The following ZNF417 variants were observed in gnomAD, a reference collection of about 807,000 sequenced individuals.
The protein encoded by ZNF417 is zinc finger protein 417.
ZNF417 carries 5 observed loss-of-function variants against 7.4 expected under a neutral mutation model. The observed-to-expected ratio is 0.68, with a 90% confidence interval of 0.35 to 1.43. The LOEUF (loss-of-function observed/expected upper bound fraction) is 1.43. Among genes scored for constraint, ZNF417 ranks in the 40% most tolerant of loss-of-function variants. ZNF417 has a pLI of 0.04. For missense variants in ZNF417, 437 were observed against 697.3 expected (o/e 0.63, Z 4.20); for synonymous variants, 147 against 239.1 (o/e 0.61, Z 3.55).
In ZNF417 at chr19:57,908,657, T is replaced by C. The variant is rs755594545; in HGVS notation, c.1621A>G (p.Ile541Val). ...TCATAAGGCCTTTCTCCAGTGTGAATTCTCCTGTGTTTAATGAGACTGGAA... is the reference window on the plus strand; with the variant it reads ...TCATAAGGCCTTTCTCCAGTGTGAACTCTCCTGTGTTTAATGAGACTGGAA... ...ECSSLIKHRRIHTGERPYECT... is the reference protein window; with the variant it reads ...ECSSLIKHRRVHTGERPYECT... The change falls in exon 3 of 3, where the codon ATT becomes GTT. Residue 541 changes from isoleucine to valine, a missense_variant. Coordinates refer to ENST00000312026, the MANE Select transcript of ZNF417 (RefSeq NM_152475.3). 8 of 1,613,400 alleles carry C rather than the reference T, an allele frequency of 5.0e-6. No individual in the cohort carries two copies. Among genetic ancestry groups the C allele is most frequent in the Non-Finnish European group, 6.8e-6 (8 of 1,179,818 alleles).
At chr19:57,914,497 A>C (rs2071927869) in intron 1 of ZNF417, among the ~76,000 whole-genome samples, 1 of 146,878 alleles carries the variant, frequency 6.8e-6, no homozygotes, top group African/African-American at 2.7e-5. Context: ...AAAAAAAAAA[A>C]AAAAAAAAAA....
At chr19:57,912,341 C>T (rs1412046960) in intron 1 of ZNF417, 152 bp from the exon 2 acceptor site, 2 of 1,393,386 alleles carry the variant, frequency 1.4e-6, no homozygotes, top group Admixed American at 2.4e-5. Context: ...TCTTCATGGG[C>T]CCACTGGTCA....
rs770253934 is a variant in ZNF417 at position 57,908,500 on chromosome 19, G to A, written c.*50C>T. ...CTTTCTCCAGTATGAACTCTCCTGT[G>A]TTTAATGAGACGGGATGTTTCAGCA... On this transcript the variant is annotated 3_prime_UTR_variant, in exon 3 of 3. Transcript: ENST00000312026. 5 of 1,611,454 alleles carry A rather than the reference G, an allele frequency of 3.1e-6. No homozygotes were observed. Among genetic ancestry groups the A allele is most frequent in the Non-Finnish European group, 4.2e-6 (5 of 1,177,636 alleles).
rs775705051 is a variant in ZNF417 at position 57,908,849 on chromosome 19, T to G, written c.1429A>C (p.Asn477His). ...EVCGKLFGNKNCVTIHQRIHT... is the reference protein window; with the variant it reads ...EVCGKLFGNKHCVTIHQRIHT... ...ATCCTCTGATGTATAGTCACGCAGT[T>G]CTTATTACCAAATAATTTCCCACAT... Residue 477 changes from asparagine to histidine, a missense_variant, in exon 3 of 3, where the codon AAC (asparagine) becomes CAC (histidine). By Grantham distance (68) the Asn-to-His change is moderately conservative. Coordinates refer to ENST00000312026, the MANE Select transcript of ZNF417 (RefSeq NM_152475.3). 10 of 1,613,854 alleles carry G rather than the reference T, an allele frequency of 6.2e-6. No individual in the cohort carries two copies. The highest frequency in any genetic ancestry group is 2.2e-5 in the East Asian group (1 of 44,884).
At position 57,908,090 on chromosome 19, in the gene ZNF417, T is replaced by C. The variant is rs573236940; in HGVS notation, c.*460A>G. On this transcript the variant is annotated 3_prime_UTR_variant, in exon 3 of 3. Transcript: ENST00000312026. ...AAATACAAACTTGGAACAAAAGAAA[T>C]AGTAAGGTAATCTTAGAAAGATGTT... is the stretch of plus-strand genomic sequence containing the variant. 5.6e-6 allele frequency: 1 copy of C among 179,958 alleles called. No individual in the cohort carries two copies. The highest frequency in any genetic ancestry group is 1.4e-4 in the East Asian group (1 of 7,034). The allele number at this position is 179,958 out of a possible 1,614,324, so 11.1% of individuals were successfully genotyped here.
In ZNF417 at chr19:57,907,543, T is replaced by C. The variant is rs890309318; in HGVS notation, c.*1007A>G. 6.5e-6 allele frequency: 1 copy of C among 154,868 alleles called. No homozygotes were observed. Among genetic ancestry groups the C allele is most frequent in the African/African-American group, 2.4e-5 (1 of 41,546 alleles). 9.6% of individuals were successfully genotyped at this position (154,868 alleles called of 1,614,324 possible). On this transcript the variant is annotated 3_prime_UTR_variant, in exon 3 of 3. Transcript: ENST00000312026. ...CAGGGAAGCTGAGGAGGTGGCTCCCTGCCTCCGGGTCCCTCAGAATGTCCC... is the reference window on the plus strand; with the variant it reads ...CAGGGAAGCTGAGGAGGTGGCTCCCCGCCTCCGGGTCCCTCAGAATGTCCC...
Position 57,906,746 on chromosome 19 carries a change from G to A in ZNF417, c.*1804C>T, listed in dbSNP as rs1332839942. 6.3e-5 allele frequency: 3 copies of A among 47,506 alleles called. No individual in the cohort carries two copies. The highest frequency in any genetic ancestry group is 1.3e-4 in the Non-Finnish European group (3 of 22,370). 2.9% of individuals were successfully genotyped at this position (47,506 alleles called of 1,614,324 possible). A position where few individuals can be genotyped will look rare whatever the true frequency, so the allele number is the denominator to read the frequency against. On this transcript the variant is annotated 3_prime_UTR_variant, in exon 3 of 3. Coordinates refer to ENST00000312026, the MANE Select transcript of ZNF417 (RefSeq NM_152475.3). ...ATTGCACTTCAGCCTGGGTGACAGA[G>A]TGAGACTCTGTCTCAAAAAAAAAAA... is the stretch of plus-strand genomic sequence containing the variant.
intron 1 of ZNF417, among the ~76,000 whole-genome samples, chr19:57,914,183 G>C (rs36088171): frequency 1.3e-5 from 2 of 151,822 alleles, no homozygotes; most frequent in African/African-American, 4.8e-5. Flanking sequence ...CTTATCATCC[G>C]CATTAGAAAA....
At position 57,916,339 on chromosome 19, in the gene ZNF417, C is replaced by T. The variant is rs935551455; in HGVS notation, c.33+40G>A. On this transcript the variant is annotated intron_variant, in intron 1 of 2. Transcript: ENST00000312026. ...CCTCGCTGGTTTAGGACCTGGGTGACGATGGGGTGACCTGAGGGCACAGAA... is the reference window on the plus strand; with the variant it reads ...CCTCGCTGGTTTAGGACCTGGGTGATGATGGGGTGACCTGAGGGCACAGAA... 3.1e-6 allele frequency: 5 copies of T among 1,613,990 alleles called. No homozygotes were observed. The African/African-American group carries it at 6.7e-5, about 22-fold the overall frequency.
chr19:57,911,724 C>G (rs2071900671), intron 2 of ZNF417, among the ~76,000 whole-genome samples: 1 of 152,112 alleles, frequency 6.6e-6, no homozygotes, highest in Non-Finnish European at 1.5e-5. Context: ...CAGGGAGGCA[C>G]AAAGCATTGT....
intron 1 of ZNF417, chr19:57,915,589 A>G (rs1253244751): frequency 2.6e-6 from 1 of 386,112 alleles, no homozygotes; most frequent in Non-Finnish European, 4.7e-6. Flanking sequence ...CTTGCTTCCA[A>G]CCTTTCAGCT....
Position 57,909,269 on chromosome 19 carries a change from C to T in ZNF417, c.1009G>A (p.Gly337Ser), listed in dbSNP as rs1311166330. The change falls in exon 3 of 3, where the codon GGT (glycine) becomes AGT (serine). Residue 337 changes from glycine (G) to serine (S), a missense_variant. Around this residue, in one of 5 missense-constraint regions of ZNF417, gnomAD observed 53 missense variants for 91.9 expected, o/e 0.58. Transcript: ENST00000312026. ...REYGKSFGQK[G>S]NLIQHQQGHT... ...CCTTGCTGATGTTGAATGAGGTTAC[C>T]CTTTTGACCAAAAGATTTCCCATAT... The T allele has an allele frequency of 6.2e-7, 1 of 1,613,772 alleles. No homozygotes were observed. The highest frequency in any genetic ancestry group is 1.7e-5 in the Admixed American group (1 of 59,956).
At chr19:57,912,695 G>T (rs12976341) in intron 1 of ZNF417, among the ~76,000 whole-genome samples, 38,470 of 151,772 alleles carry the variant, frequency 0.25, 5,310 homozygotes, top group Non-Finnish European at 0.31. Context: ...TGCAGCCTCC[G>T]CCTCCTGGGT....
chr19:57,916,327 G>C (rs1455443759), intron 1 of ZNF417, 52 bp downstream of exon 1: 10 of 1,613,888 alleles, frequency 6.2e-6, no homozygotes, highest in Non-Finnish European at 7.6e-6. Context: ...CGCTGGTTTA[G>C]GACCTGGGTG....
rs140882456 is a variant in ZNF417 at position 57,910,352 on chromosome 19, C to T, written c.164-238G>A. On this transcript the variant is annotated intron_variant, in intron 2 of 2. Transcript: ENST00000312026. ...CCTGAGGTCAGAAGTTCGAGACCAG[C>T]GTGACCAACATGGTGAAAACCCATC... is the stretch of plus-strand genomic sequence containing the variant. Among the ~76,000 whole-genome samples the T allele has an allele frequency of 8.5e-3, 1,296 of 151,914 alleles. 21 individuals are homozygous for T. The highest frequency in any genetic ancestry group is 0.028 in the South Asian group (134 of 4,808).
At chr19:57,915,258 C>T (rs1489167876) in intron 1 of ZNF417, 1 of 171,940 alleles carries the variant, frequency 5.8e-6, no homozygotes, top group Non-Finnish European at 1.2e-5. Flanking sequence ...TTTGAATGTC[C>T]TTTGGGAAAC....
At chr19:57,916,251 C>T in intron 1 of ZNF417, 128 bp downstream of exon 1, 11 of 1,557,746 alleles carry the variant, frequency 7.1e-6, no homozygotes, top group South Asian at 6.9e-5. Context: ...GGGACCCCTC[C>T]TGCGAGCGCC....
chr19:57,911,980 G>C, intron 2 of ZNF417, 80 bp downstream of exon 2: 1 of 1,518,454 alleles, frequency 6.6e-7, no homozygotes, highest in Non-Finnish European at 8.8e-7. Flanking sequence ...CTCCTTAAGT[G>C]AGAAAGACAG....
intron 1 of ZNF417, 94 bp downstream of exon 1, chr19:57,916,285 G>A (rs1215132375): frequency 1.4e-5 from 23 of 1,607,188 alleles, no homozygotes; most frequent in East Asian, 8.9e-5. Context: ...GCCGGGTACC[G>A]GCTACAGACC....
Sources: gnomAD v4.1 joint callset for allele counts (sites outside exome capture counted in the v4.1 genomes callset) on GRCh38, gnomAD v4.1.1 for gene constraint, gnomAD v4.1.1 regional missense constraint, MANE v1.5 for transcripts, NCBI Gene and HGNC (gene_info 2026-07-23, HGNC 2026-07-21) for gene names.